MORC3: variants seen among roughly 807,000 people sequenced by gnomAD.
MORC3 encodes the protein MORC family CW-type zinc finger protein 3.
MORC3 carries 31 observed loss-of-function variants against 109.1 expected under a neutral mutation model. That is an observed-to-expected ratio of 0.28 (90% confidence interval 0.21 to 0.38). The LOEUF (loss-of-function observed/expected upper bound fraction) is 0.38, where lower values mean the gene tolerates loss of function less well. MORC3 is among the 10% of genes least tolerant of loss of function. The probability of loss-of-function intolerance (pLI) is 1.00; values close to 1 mark genes in which losing one functional copy is unlikely to be tolerated. For synonymous variants in MORC3, 395 were observed against 380.7 expected (o/e 1.04, Z -0.44); for missense variants, 867 against 1,135.8 (o/e 0.76, Z 3.40).
At chr21:36,324,896 A>G (rs1027912297) in intron 1 of MORC3, among the ~76,000 whole-genome samples, 2 of 151,790 alleles carry the variant, frequency 1.3e-5, no homozygotes, top group African/African-American at 4.8e-5. Flanking sequence ...TTTAATAGAG[A>G]TGGTGTTTTA....
In MORC3 at chr21:36,376,476, A is replaced by G. The variant is rs1341990839; in HGVS notation, c.*1180A>G. On this transcript the variant is annotated 3_prime_UTR_variant, in exon 17 of 17. Transcript: ENST00000400485. ...ATACAGTATTGAATTTTTACTGTAT[A>G]GTAATTCTGGAAAGAGCAAATAAAT... The G allele has an allele frequency of 6.6e-6, 1 of 152,192 alleles. No individual in the cohort carries two copies. Among genetic ancestry groups the G allele is most frequent in the Admixed American group, 6.5e-5 (1 of 15,272 alleles). The allele number at this position is 152,192 out of a possible 1,614,324, so 9.4% of individuals were successfully genotyped here.
chr21:36,362,745 G>A (rs1046003338), intron 13 of MORC3, among the ~76,000 whole-genome samples: 2 of 151,992 alleles, frequency 1.3e-5, no homozygotes, highest in Non-Finnish European at 2.9e-5. Flanking sequence ...GAATGTTAAA[G>A]TTTAATACAT....
intron 9 of MORC3, among the ~76,000 whole-genome samples, chr21:36,352,402 G>A (rs929925762): frequency 3.3e-5 from 5 of 150,774 alleles, no homozygotes; most frequent in Admixed American, 2.7e-4. Flanking sequence ...AAGGGGTGGG[G>A]GGGGGCAGGT....
chr21:36,338,800 A>ATT lies in MORC3; in HGVS notation c.487_488insTT (p.Lys163IlefsTer28). 1 of 1,613,946 alleles carries ATT rather than the reference A, an allele frequency of 6.2e-7. No homozygotes were observed. Among genetic ancestry groups the ATT allele is most frequent in the African/African-American group, 1.3e-5 (1 of 75,070 alleles). On this transcript the variant is annotated frameshift_variant, in exon 5 of 17. Coordinates refer to ENST00000400485, the MANE Select transcript of MORC3 (RefSeq NM_015358.3). LOFTEE classifies it high-confidence loss of function. Reference sequence around the variant, plus strand: ...ACAGATGATTAATTTAGCAGAATCAAAAGCCAGCCTTGCTGCAATTCTGGA... The same window carrying ATT: ...ACAGATGATTAATTTAGCAGAATCAATTAAGCCAGCCTTGCTGCAATTCTGGA...
chr21:36,374,008 A>G (rs1243954569), intron 16 of MORC3, among the ~76,000 whole-genome samples: 1 of 152,196 alleles, frequency 6.6e-6, no homozygotes, highest in East Asian at 1.9e-4. Context: ...ATGGTTTCCC[A>G]GTGTTTTCAG....
rs149127467 is a variant in MORC3 at position 36,320,824 on chromosome 21, G to A, written c.39+521G>A. ...GCCTGCAGCTTCCTTGGCAGTGGAAGCCTTGGGGCCCAGACCCTAGATCGC... is the reference window on the plus strand; with the variant it reads ...GCCTGCAGCTTCCTTGGCAGTGGAAACCTTGGGGCCCAGACCCTAGATCGC... On this transcript the variant is annotated intron_variant, in intron 1 of 16. Transcript: ENST00000400485. Among the ~76,000 whole-genome samples, 996 of 152,336 alleles carry A rather than the reference G, an allele frequency of 6.5e-3. 10 individuals are homozygous for A. The highest frequency in any genetic ancestry group is 0.023 in the African/African-American group (965 of 41,578).
Position 36,369,385 on chromosome 21 carries a change from G to A in MORC3, c.2017G>A (p.Glu673Lys). The part of the protein sequence containing the change: ...NDAVILPSCV[E>K]AEAKIHETQE... ...TGCAGTGATTCTGCCCTCCTGTGTA[G>A]AAGCTGAAGCAAAGATACATGAAAC... Residue 673 changes from glutamate to lysine, a missense_variant, in exon 15 of 17, where the codon GAA (glutamate) becomes AAA (lysine). Transcript: ENST00000400485. 6.2e-7 allele frequency: 1 copy of A among 1,614,188 alleles called. No homozygotes were observed. The highest frequency in any genetic ancestry group is 8.5e-7 in the Non-Finnish European group (1 of 1,180,036).
In MORC3 at chr21:36,327,674, CTTA is replaced by C. The variant is rs904821183; in HGVS notation, c.40-5967_40-5965del. ...TTGTAAAACAACAAAATGGAGGGAA[CTTA>C]TTATCTGTCATACCAGTTGATGACT... On this transcript the variant is annotated intron_variant, in intron 1 of 16. Transcript: ENST00000400485. Among the ~76,000 whole-genome samples the C allele has an allele frequency of 1.1e-4, 16 of 151,364 alleles. 2 individuals are homozygous for C. Among genetic ancestry groups the C allele is most frequent in the African/African-American group, 3.7e-4 (15 of 40,702 alleles).
In MORC3 at chr21:36,334,000, G is replaced by A. The variant is rs144706310; in HGVS notation, c.112+282G>A. Among the ~76,000 whole-genome samples the A allele has an allele frequency of 1.0e-2, 1,516 of 151,954 alleles. 19 individuals carry two copies. Among genetic ancestry groups the A allele is most frequent in the African/African-American group, 0.035 (1,440 of 41,446 alleles). ...GACGGGGTTTCACTGTGTTAGCCAG[G>A]ATGGTCTCGATCTCCTGACCTCGTG... On this transcript the variant is annotated intron_variant, in intron 2 of 16. Transcript: ENST00000400485.
chr21:36,332,396 A>G (rs2085326969), intron 1 of MORC3, among the ~76,000 whole-genome samples: 1 of 152,184 alleles, frequency 6.6e-6, no homozygotes, highest in Admixed American at 6.5e-5. Flanking sequence ...AAATTGTGCC[A>G]CTGCGTTACA....
Position 36,338,773 on chromosome 21 carries a change from C to T in MORC3, c.461-1C>T, listed in dbSNP as rs1213250631. The T allele has an allele frequency of 3.1e-6, 5 of 1,611,324 alleles. No homozygotes were observed. Among genetic ancestry groups the T allele is most frequent in the African/African-American group, 1.3e-5 (1 of 74,858 alleles). ...ATCTGAGTCTTTAACTTATGATATA[C>T]GACAGATGATTAATTTAGCAGAATC... is the stretch of plus-strand genomic sequence containing the variant. On this transcript the variant is annotated splice_acceptor_variant, in intron 4 of 16. Transcript: ENST00000400485. LOFTEE classifies it high-confidence loss of function.
In MORC3 at chr21:36,366,974, C is replaced by T. The variant is rs1270704215; in HGVS notation, c.1620-2014C>T. On this transcript the variant is annotated intron_variant, in intron 14 of 16. Transcript: ENST00000400485. ...CTGGAGGATGGTAGAAACCAGTTTA[C>T]GCCACAGGTCCCTAGAAAGTCTCCT... Among the ~76,000 whole-genome samples the T allele has an allele frequency of 5.9e-5, 9 of 152,258 alleles. No homozygotes were observed. The South Asian group carries it at 1.5e-3, about 25-fold the overall frequency.
At chr21:36,345,173 C>G (rs903536435) in intron 8 of MORC3, 142 bp downstream of exon 8, 2 of 902,142 alleles carry the variant, frequency 2.2e-6, no homozygotes, top group Non-Finnish European at 3.2e-6. Context: ...AAAAATAACA[C>G]TGTGGTATTT....
intron 9 of MORC3, among the ~76,000 whole-genome samples, chr21:36,352,988 A>G (rs2085591232): frequency 1.3e-5 from 2 of 148,654 alleles, no homozygotes; most frequent in Admixed American, 1.3e-4. Flanking sequence ...AAAAAAAAAG[A>G]AAACCATCTA....
intron 6 of MORC3, among the ~76,000 whole-genome samples, chr21:36,342,047 C>T (rs189366371): frequency 3.3e-5 from 5 of 152,162 alleles, no homozygotes; most frequent in Admixed American, 1.3e-4. Flanking sequence ...CCAAGATGGT[C>T]TTGAACTCCG....
At chr21:36,332,975 A>C (rs2085333241) in intron 1 of MORC3, among the ~76,000 whole-genome samples, 1 of 151,912 alleles carries the variant, frequency 6.6e-6, no homozygotes, top group South Asian at 2.1e-4. Flanking sequence ...TTTTTAGTAG[A>C]GACGGGTTTC....
At chr21:36,329,012 G>T (rs370697833) in intron 1 of MORC3, among the ~76,000 whole-genome samples, 1 of 152,180 alleles carries the variant, frequency 6.6e-6, no homozygotes, top group African/African-American at 2.4e-5. Context: ...AAGTTTACAG[G>T]CCGGGCAGGG....
At chr21:36,328,906 TA>T (rs111399017) in intron 1 of MORC3, among the ~76,000 whole-genome samples, 92 of 139,184 alleles carry the variant, frequency 6.6e-4, no homozygotes, top group Non-Finnish European at 7.8e-4. Context: ...GCTGATGAGG[TA>T]AAAAAAAAAA....
At chr21:36,335,902 C>T (rs1446436914) in intron 2 of MORC3, among the ~76,000 whole-genome samples, 1 of 152,060 alleles carries the variant, frequency 6.6e-6, no homozygotes. Context: ...CCTACAATAG[C>T]CAGGTTAGTC....
Sources: allele counts gnomAD v4.1 joint callset (sites outside exome capture counted in the v4.1 genomes callset), GRCh38; gene constraint gnomAD v4.1.1; transcripts MANE v1.5; gene names NCBI Gene and HGNC (gene_info 2026-07-23, HGNC 2026-07-21).